The following NELL1 variants were observed in gnomAD, a reference collection of about 807,000 sequenced individuals.
The protein encoded by NELL1 is neural EGFL like 1.
In NELL1, 76 loss-of-function variants were observed where a neutral mutation model predicts 107.4. The ratio of observed to expected loss-of-function variants is 0.71; its 90% CI spans 0.59 to 0.86. NELL1 has a LOEUF of 0.86. Ranked by LOEUF, NELL1 falls within the 40% of genes least tolerant of loss-of-function variation. The pLI is 0.00. For synonymous variants in NELL1, 353 were observed against 341.2 expected (o/e 1.03, Z -0.38); for missense variants, 1,024 against 1,005.5 (o/e 1.02, Z -0.25).
intron 14 of NELL1, among the ~76,000 whole-genome samples, chr11:21,303,560 G>A (rs541794750): frequency 8.4e-4 from 128 of 152,072 alleles, no homozygotes; most frequent in Non-Finnish European, 1.3e-3. Context: ...ACTGTTAGTG[G>A]GAATGTAAAT....
intron 14 of NELL1, among the ~76,000 whole-genome samples, chr11:21,317,996 T>C (rs953850476): frequency 1.3e-5 from 2 of 152,152 alleles, no homozygotes; most frequent in African/African-American, 4.8e-5. Flanking sequence ...GGGTAAGACA[T>C]GGTGCCTCTA....
rs1428927941 is a variant in NELL1 at position 21,570,950 on chromosome 11, C to T, written c.2157+10C>T. 5 of 1,609,186 alleles carry T rather than the reference C, an allele frequency of 3.1e-6. No homozygotes were observed. The African/African-American group carries it at 6.7e-5, about 22-fold the overall frequency. On this transcript the variant is annotated intron_variant, in intron 18 of 19. Transcript: ENST00000357134. Reference sequence around the variant, plus strand: ...GCAGTGTCGGTGTCTGGTATGTTGGCTTCCTTTATAAGGTGTTGAGCCTTT... The same window carrying T: ...GCAGTGTCGGTGTCTGGTATGTTGGTTTCCTTTATAAGGTGTTGAGCCTTT...
At chr11:20,837,750 A>T (rs1848559545) in intron 3 of NELL1, among the ~76,000 whole-genome samples, 1 of 152,204 alleles carries the variant, frequency 6.6e-6, no homozygotes, top group African/African-American at 2.4e-5. Context: ...GAGCAAAAAA[A>T]TAAACAGTGT....
intron 15 of NELL1, among the ~76,000 whole-genome samples, chr11:21,515,725 C>T (rs1855544579): frequency 6.6e-6 from 1 of 152,152 alleles, no homozygotes; most frequent in African/African-American, 2.4e-5. Flanking sequence ...GCTAAGCCTC[C>T]AAGGCACAGC....
intron 15 of NELL1, among the ~76,000 whole-genome samples, chr11:21,448,725 A>C (rs1034604535): frequency 6.6e-6 from 1 of 151,978 alleles, no homozygotes; most frequent in African/African-American, 2.4e-5. Context: ...TTGCTCGCCC[A>C]CTCTTCCCTG....
At chr11:21,418,428 G>T (rs1002790725) in intron 15 of NELL1, among the ~76,000 whole-genome samples, 10 of 151,988 alleles carry the variant, frequency 6.6e-5, no homozygotes, top group African/African-American at 2.4e-4. Flanking sequence ...TGCCTATGTA[G>T]TCACTGTAAC....
At chr11:20,778,722 G>A (rs949340818) in intron 2 of NELL1, among the ~76,000 whole-genome samples, 1 of 152,058 alleles carries the variant, frequency 6.6e-6, no homozygotes, top group African/African-American at 2.4e-5. Flanking sequence ...TTAAGTGGTT[G>A]TTGTGTGCGA....
At chr11:20,854,809 T>TAGTTGTG (rs962770553) in intron 4 of NELL1, among the ~76,000 whole-genome samples, 19 of 152,294 alleles carry the variant, frequency 1.2e-4, no homozygotes, top group African/African-American at 4.6e-4. Flanking sequence ...AGATGATGGA[T>TAGTTGTG]AGTTGTGCTG....
At chr11:21,253,411 A>G (rs754693456) in intron 14 of NELL1, among the ~76,000 whole-genome samples, 10 of 152,068 alleles carry the variant, frequency 6.6e-5, no homozygotes, top group Admixed American at 2.6e-4. Context: ...TCATTTTCCA[A>G]TGTTTCTAAG....
chr11:21,033,491 G>A (rs1263576543), intron 12 of NELL1, among the ~76,000 whole-genome samples: 1 of 151,996 alleles, frequency 6.6e-6, no homozygotes, highest in African/African-American at 2.4e-5. Context: ...TGTGGTATTT[G>A]ATTTTCTGTT....
At chr11:21,270,120 A>T (rs1565139149) in intron 14 of NELL1, among the ~76,000 whole-genome samples, 1 of 152,242 alleles carries the variant, frequency 6.6e-6, no homozygotes, top group South Asian at 2.1e-4. Context: ...CAAAAAGAAG[A>T]CAAAGATTGG....
chr11:20,695,546 T>A (rs2133872744), intron 2 of NELL1, among the ~76,000 whole-genome samples: 1 of 152,220 alleles, frequency 6.6e-6, no homozygotes, highest in South Asian at 2.1e-4. Flanking sequence ...CCTATTTGGA[T>A]GATCATATGG....
intron 15 of NELL1, among the ~76,000 whole-genome samples, chr11:21,378,134 CT>C (rs746836214): frequency 1.1e-4 from 16 of 151,870 alleles, no homozygotes; most frequent in Admixed American, 5.3e-4. Context: ...TAAAAAGTCT[CT>C]AGTAAAATTA....
At chr11:21,522,244 AAAAC>A (rs1448258715) in intron 15 of NELL1, among the ~76,000 whole-genome samples, 3 of 151,988 alleles carry the variant, frequency 2.0e-5, no homozygotes, top group Admixed American at 1.3e-4. Flanking sequence ...AAAAAAAAAA[AAAAC>A]AAACAAACCT....
intron 2 of NELL1, among the ~76,000 whole-genome samples, chr11:20,696,837 G>A (rs1020951755): frequency 1.3e-5 from 2 of 152,118 alleles, no homozygotes; most frequent in Non-Finnish European, 2.9e-5. Context: ...GTACTGTCAC[G>A]TGGTTGGAGA....
chr11:21,092,810 A>T (rs2133691460), intron 12 of NELL1, among the ~76,000 whole-genome samples: 1 of 152,326 alleles, frequency 6.6e-6, no homozygotes, highest in Non-Finnish European at 1.5e-5. Context: ...GAGCTAGAGA[A>T]CTTGCTGATG....
At chr11:21,433,107 G>C (rs1853010152) in intron 15 of NELL1, among the ~76,000 whole-genome samples, 1 of 152,102 alleles carries the variant, frequency 6.6e-6, no homozygotes, top group Admixed American at 6.5e-5. Context: ...GTGAGAACAT[G>C]TGATGCTAAT....
chr11:20,814,714 A>G (rs1857585411), intron 3 of NELL1, among the ~76,000 whole-genome samples: 1 of 152,148 alleles, frequency 6.6e-6, no homozygotes, highest in Non-Finnish European at 1.5e-5. Flanking sequence ...GTGGGCACCT[A>G]GATTGATTCT....
chr11:20,924,901 C>G (rs989891787), intron 7 of NELL1, among the ~76,000 whole-genome samples: 4 of 151,938 alleles, frequency 2.6e-5, no homozygotes, highest in African/African-American at 9.7e-5. Context: ...AACCATGGAC[C>G]AACAATACTC....
Sources: gnomAD v4.1 joint callset for allele counts (sites outside exome capture counted in the v4.1 genomes callset) on GRCh38, gnomAD v4.1.1 for gene constraint, MANE v1.5 for transcripts, NCBI Gene and HGNC (gene_info 2026-07-23, HGNC 2026-07-21) for gene names.